The following TUBA8 variants were observed in gnomAD, a reference collection of about 807,000 sequenced individuals.
TUBA8 encodes tubulin alpha-8 chain.
Under a neutral mutation model 34.7 loss-of-function variants are expected in TUBA8, and 29 were observed. The observed-to-expected ratio is 0.84, with a 90% CI of 0.62 to 1.14. TUBA8 has a LOEUF of 1.14. Ranked by LOEUF, TUBA8 falls within the 50% of genes most tolerant of loss-of-function variation. The pLI, the probability that TUBA8 is intolerant of heterozygous loss-of-function variation, is 0.00. For missense variants in TUBA8, 541 were observed against 599.2 expected (o/e 0.90, Z 1.01); for synonymous variants, 226 against 231.2 (o/e 0.98, Z 0.21).
intron 1 of TUBA8, chr22:18,120,252 C>T (rs1928107511): frequency 6.6e-6 from 1 of 152,134 alleles, no homozygotes; most frequent in Non-Finnish European, 1.5e-5. Flanking sequence ...GAGCATAGTA[C>T]CCAATAGTTA....
Position 18,126,213 on chromosome 22 carries a change from T to C in TUBA8, c.376-141T>C. 2 of 805,838 alleles carry C rather than the reference T, an allele frequency of 2.5e-6. No individual in the cohort carries two copies. Among genetic ancestry groups the C allele is most frequent in the Non-Finnish European group, 4.1e-6 (2 of 486,740 alleles). 49.9% of individuals were successfully genotyped at this position (805,838 alleles called of 1,614,324 possible). ...CCAAAGATCAATACAACTCCTTTTGTTTCCTTACTTCTTCAAAGCTGTTTT... is the reference window on the plus strand; with the variant it reads ...CCAAAGATCAATACAACTCCTTTTGCTTCCTTACTTCTTCAAAGCTGTTTT... On this transcript the variant is annotated intron_variant, in intron 3 of 4. Transcript: ENST00000330423. The surrounding 1 kb of genome is among the most constrained non-coding windows in gnomAD (Gnocchi z 4.0).
Position 18,121,701 on chromosome 22 carries a change from G to C in TUBA8, c.226G>C (p.Asp76His). 2 of 1,613,882 alleles carry C rather than the reference G, an allele frequency of 1.2e-6. No homozygotes were observed. The highest frequency in any genetic ancestry group is 2.2e-5 in the South Asian group (2 of 91,060). ...GATAGATCTGGAGCCTACTGTAGTG[G>C]GTGAGTGGGGGCGGAGTTCCCCTCC... ...VMIDLEPTVVDEVRAGTYRQL... is the reference protein window; with the variant it reads ...VMIDLEPTVVHEVRAGTYRQL... The change falls in exon 2 of 5, where the codon GAT (aspartate) becomes CAT (histidine). Residue 76 changes from aspartate to histidine, a missense_variant and splice_region_variant. Asp to His is a moderately conservative substitution (Grantham distance 81). Transcript: ENST00000330423. The surrounding 1 kb of genome is among the most constrained non-coding windows in gnomAD (Gnocchi z 4.8).
chr22:18,125,807 A>C (rs1265004937), intron 3 of TUBA8: 1 of 157,824 alleles, frequency 6.3e-6, no homozygotes, highest in Non-Finnish European at 1.4e-5. Flanking sequence ...TGTTCAACCA[A>C]GTTACTGGGC....
rs772569328 is a variant in TUBA8 at position 18,121,474 on chromosome 22, C to A, written c.4-5C>A. 1 of 1,613,476 alleles carries A rather than the reference C, an allele frequency of 6.2e-7. No individual in the cohort carries two copies. The highest frequency in any genetic ancestry group is 2.2e-5 in the East Asian group (1 of 44,870). The stretch of plus-strand genomic sequence containing the variant: ...TCTGACCTCGTTGCTTCCCTCTCCC[C>A]ACAGCGGGAATGCATATCAGTCCAC... On this transcript the variant is annotated splice_polypyrimidine_tract_variant and splice_region_variant and intron_variant, in intron 1 of 4. Transcript: ENST00000330423. This position sits in a 1 kb window ranked among gnomAD's most constrained non-coding sequence, Gnocchi z 4.8.
intron 3 of TUBA8, chr22:18,125,847 C>G (rs1256026243): frequency 5.5e-6 from 1 of 181,638 alleles, no homozygotes; most frequent in Non-Finnish European, 1.2e-5. Context: ...GAGGCGTGTG[C>G]CCCTGCAGCT....
intron 4 of TUBA8, chr22:18,130,614 A>C: frequency 5.7e-6 from 3 of 529,120 alleles, no homozygotes; most frequent in East Asian, 3.1e-5. Flanking sequence ...TTTGGTAGAG[A>C]TGGGTTTTTG....
chr22:18,126,647 C>G lies in TUBA8; in HGVS notation c.669C>G (p.Thr223=), dbSNP rs777476349. The G allele has an allele frequency of 6.2e-7, 1 of 1,614,150 alleles. No homozygotes were observed. The highest frequency in any genetic ancestry group is 1.1e-5 in the South Asian group (1 of 91,062). ...CRRNLDIERP[T]YTNLNRLISQ... is the part of the protein sequence containing the mutation. ...GGAACCTTGACATTGAGCGCCCTAC[C>G]TATACCAACCTCAACCGCCTCATCA... The change falls in exon 4 of 5, where the codon ACC becomes ACG. Residue 223 remains threonine, a synonymous_variant. Transcript: ENST00000330423. This position sits in a 1 kb window ranked among gnomAD's most constrained non-coding sequence, Gnocchi z 4.0.
intron 1 of TUBA8, chr22:18,112,631 C>T (rs939035562): frequency 7.9e-5 from 12 of 152,202 alleles, no homozygotes; most frequent in African/African-American, 2.9e-4. Context: ...ATCAACAATT[C>T]AAACAGCAAA....
intron 2 of TUBA8, chr22:18,122,080 C>G (rs561680764): frequency 8.6e-6 from 2 of 232,208 alleles, no homozygotes; most frequent in East Asian, 2.0e-4. Context: ...GTGGGTATAA[C>G]CTCACAGCAT....
At chr22:18,114,072 C>A (rs1281605202) in intron 1 of TUBA8, 1 of 152,216 alleles carries the variant, frequency 6.6e-6, no homozygotes, top group African/African-American at 2.4e-5. Flanking sequence ...AGGAAGCAGA[C>A]CAAATGCTCC....
chr22:18,116,447 T>C (rs1249984803), intron 1 of TUBA8: 1 of 152,202 alleles, frequency 6.6e-6, no homozygotes, highest in Non-Finnish European at 1.5e-5. Context: ...TGCAGTGCTG[T>C]GACATACTGA....
rs1928476894 is a variant in TUBA8, at chr22:18,130,826, C to T, written c.1057-17C>T. The stretch of plus-strand genomic sequence containing the variant: ...TGTATCTTCTTCTGTGGCTCCTCCT[C>T]TTTCTGTGTCCCTCAGGTGGGCATC... On this transcript the variant is annotated splice_polypyrimidine_tract_variant and intron_variant, in intron 4 of 4. Transcript: ENST00000330423. 6.2e-7 allele frequency: 1 copy of T among 1,613,260 alleles called. No homozygotes were observed. Among genetic ancestry groups the T allele is most frequent in the South Asian group, 1.1e-5 (1 of 91,056 alleles).
chr22:18,122,919 G>T (rs1415365891), intron 2 of TUBA8: 1 of 151,616 alleles, frequency 6.6e-6, no homozygotes, highest in Non-Finnish European at 1.5e-5. Context: ...GACCATCCTG[G>T]CTAACACAGT....
intron 4 of TUBA8, chr22:18,129,134 C>T (rs1176130506): frequency 6.6e-6 from 1 of 152,072 alleles, no homozygotes; most frequent in East Asian, 1.9e-4. Context: ...TGTGACAGTT[C>T]TAATCATCCT....
Position 18,130,235 on chromosome 22 carries a change from G to T in TUBA8, c.1057-608G>T, listed in dbSNP as rs1386594670. 2.0e-5 allele frequency: 3 copies of T among 152,818 alleles called. No individual in the cohort carries two copies. In the East Asian group the frequency reaches 5.8e-4, roughly 29 times the overall value. 9.5% of individuals were successfully genotyped at this position (152,818 alleles called of 1,614,324 possible). A position where few individuals can be genotyped will look rare whatever the true frequency, so the allele number is the denominator to read the frequency against. Reference sequence around the variant, plus strand: ...GAACTTCAGATGACCACTTGGGAGAGAGTACACTTTTGAACAGCTTTGAAT... The same window carrying T: ...GAACTTCAGATGACCACTTGGGAGATAGTACACTTTTGAACAGCTTTGAAT... On this transcript the variant is annotated intron_variant, in intron 4 of 4. Transcript: ENST00000330423.
In TUBA8 at chr22:18,121,715, G is replaced by A. The variant is rs2234324; in HGVS notation, c.226+14G>A. ...CTACTGTAGTGGGTGAGTGGGGGCGGAGTTCCCCTCCACAGAGAACATCTC... is the reference window on the plus strand; with the variant it reads ...CTACTGTAGTGGGTGAGTGGGGGCGAAGTTCCCCTCCACAGAGAACATCTC... On this transcript the variant is annotated intron_variant, in intron 2 of 4. Transcript: ENST00000330423. The surrounding 1 kb of genome is among the most constrained non-coding windows in gnomAD (Gnocchi z 4.8). 2.5e-6 allele frequency: 4 copies of A among 1,609,334 alleles called. No individual in the cohort carries two copies. In the Admixed American group the frequency reaches 6.7e-5, roughly 27 times the overall value.
rs1430620955 is a variant in TUBA8 at position 18,118,788 on chromosome 22, A to T, written c.4-2691A>T. The T allele has an allele frequency of 2.6e-5, 4 of 152,152 alleles. No homozygotes were observed. Among genetic ancestry groups the T allele is most frequent in the African/African-American group, 9.7e-5 (4 of 41,408 alleles). The allele number at this position is 152,152 out of a possible 1,614,324, so 9.4% of individuals were successfully genotyped here. On this transcript the variant is annotated intron_variant, in intron 1 of 4. Coordinates refer to ENST00000330423, the MANE Select transcript of TUBA8 (RefSeq NM_018943.3). This position sits in a 1 kb window ranked among gnomAD's most constrained non-coding sequence, Gnocchi z 4.0. ...ACGGGGGCGGGGGAGAGAGAAAGAGACAGACATTTTGTAAAAGACTGGCAT... is the reference window on the plus strand; with the variant it reads ...ACGGGGGCGGGGGAGAGAGAAAGAGTCAGACATTTTGTAAAAGACTGGCAT...
At chr22:18,127,647 C>A (rs546315839) in intron 4 of TUBA8, 2 of 150,024 alleles carry the variant, frequency 1.3e-5, no homozygotes, top group Non-Finnish European at 3.0e-5. Flanking sequence ...CCCGCCTTGG[C>A]CTCCCAAAGT....
intron 1 of TUBA8, chr22:18,113,307 C>T (rs541157590): frequency 2.0e-5 from 3 of 152,362 alleles, no homozygotes; most frequent in East Asian, 1.9e-4. Context: ...GCCACCTGCC[C>T]GTGCTGGGAC....
Sources: allele counts gnomAD v4.1 joint callset, GRCh38; gene constraint gnomAD v4.1.1; non-coding constraint Gnocchi (gnomAD v3.1); transcripts MANE v1.5; gene names NCBI Gene and HGNC (gene_info 2026-07-23, HGNC 2026-07-21).